SSPN: variants seen among roughly 807,000 people sequenced by gnomAD.
SSPN encodes the protein sarcospan.
In SSPN, 15 loss-of-function variants were observed where a neutral mutation model predicts 19.1. The observed-to-expected ratio is 0.78, with a 90% CI of 0.52 to 1.21. The LOEUF is 1.21. SSPN is among the 50% of genes most tolerant of loss of function. The pLI, the probability that SSPN is intolerant of heterozygous loss-of-function variation, is 0.00. For synonymous variants in SSPN, 147 were observed against 140.3 expected (o/e 1.05, Z -0.34); for missense variants, 291 against 314.0 (o/e 0.93, Z 0.55).
intron 1 of SSPN, among the ~76,000 whole-genome samples, chr12:26,169,404 A>T (rs2137431484): frequency 6.6e-6 from 1 of 152,200 alleles, no homozygotes; most frequent in East Asian, 1.9e-4. Context: ...CCTTGAGAAG[A>T]TTTAGGAACA....
chr12:26,231,953 C>A lies in SSPN; in HGVS notation c.*877C>A, dbSNP rs1427789158. The A allele has an allele frequency of 1.0e-6, 1 of 985,236 alleles. No homozygotes were observed. The highest frequency in any genetic ancestry group is 1.2e-6 in the Non-Finnish European group (1 of 829,924). The allele number at this position is 985,236 out of a possible 1,614,324, so 61.0% of individuals were successfully genotyped here. On this transcript the variant is annotated 3_prime_UTR_variant, in exon 3 of 3. Transcript: ENST00000242729. ...ACTGTCGGTGTTAAGAGAAATTACTCTCACAAGAGCAGAGGCCTGAAGATT... is the reference window on the plus strand; with the variant it reads ...ACTGTCGGTGTTAAGAGAAATTACTATCACAAGAGCAGAGGCCTGAAGATT...
At position 26,188,470 on chromosome 12, in the gene SSPN, T is replaced by C. The variant is rs182251271; in HGVS notation, c.-30-35823T>C. On this transcript the variant is annotated intron_variant, in intron 1 of 2. Coordinates refer to the SSPN transcript ENST00000538142. ...TGTTCTAACTAAAGAAGAGGATTACTGGTCAAAATGAAAATCTTATAGTTT... is the reference window on the plus strand; with the variant it reads ...TGTTCTAACTAAAGAAGAGGATTACCGGTCAAAATGAAAATCTTATAGTTT... Among the ~76,000 whole-genome samples, 66 of 152,342 alleles carry C rather than the reference T, an allele frequency of 4.3e-4. 2 individuals carry two copies. The East Asian group carries it at 0.012, about 28-fold the overall frequency.
chr12:26,174,954 A>G (rs1944675562), intron 1 of SSPN, among the ~76,000 whole-genome samples: 1 of 152,146 alleles, frequency 6.6e-6, no homozygotes, highest in Non-Finnish European at 1.5e-5. Flanking sequence ...TTTTTCCCTC[A>G]GAATGATTAT....
At chr12:26,208,509 AAT>A (rs1944952187) in intron 1 of SSPN, among the ~76,000 whole-genome samples, 1 of 152,102 alleles carries the variant, frequency 6.6e-6, no homozygotes, top group African/African-American at 2.4e-5. Context: ...AGGTACTACA[AAT>A]ATCTTTTTCT....
chr12:26,201,798 T>G (rs1368549071), intron 1 of SSPN, among the ~76,000 whole-genome samples: 1 of 152,220 alleles, frequency 6.6e-6, no homozygotes, highest in Non-Finnish European at 1.5e-5. Context: ...TAATTTATTC[T>G]CTTACTTTAA....
chr12:26,140,559 G>A lies in SSPN; in HGVS notation c.-31+18407G>A, dbSNP rs536440536. Among the ~76,000 whole-genome samples the A allele has an allele frequency of 6.4e-4, 97 of 152,272 alleles. 1 individual carries two copies. The highest frequency in any genetic ancestry group is 4.6e-4 in the Non-Finnish European group (31 of 68,024). On this transcript the variant is annotated intron_variant, in intron 1 of 2. Transcript: ENST00000538142. ...TCCCCAGTATTGGAAAAGGGGCCGC[G>A]GGGGAAGTGACTGGATCACGAGGGT...
chr12:26,161,966 G>A (rs1300526097), intron 1 of SSPN, among the ~76,000 whole-genome samples: 1 of 152,188 alleles, frequency 6.6e-6, no homozygotes, highest in Non-Finnish European at 1.5e-5. Context: ...GGCCATGGAT[G>A]GGTACCAGTC....
chr12:26,160,236 G>A (rs1214232781), intron 1 of SSPN, among the ~76,000 whole-genome samples: 1 of 152,182 alleles, frequency 6.6e-6, no homozygotes, highest in African/African-American at 2.4e-5. Flanking sequence ...CTCTGTCTAT[G>A]ATATTTAATA....
chr12:26,225,671 C>T (rs1039263468), intron 2 of SSPN, among the ~76,000 whole-genome samples: 5 of 148,976 alleles, frequency 3.4e-5, no homozygotes, highest in Admixed American at 6.7e-5. Flanking sequence ...TGAAAGAAGG[C>T]CAGATAGAGT....
At chr12:26,198,463 G>A (rs1256740870) in intron 1 of SSPN, among the ~76,000 whole-genome samples, 1 of 152,046 alleles carries the variant, frequency 6.6e-6, no homozygotes, top group Admixed American at 6.5e-5. Context: ...GTTGCCCTGA[G>A]GATGAAATAA....
At chr12:26,208,744 A>G (rs1944954300) in intron 1 of SSPN, among the ~76,000 whole-genome samples, 4 of 152,036 alleles carry the variant, frequency 2.6e-5, no homozygotes, top group South Asian at 2.1e-4. Context: ...TCTTTTTGCA[A>G]TGATGTGAAG....
At position 26,201,030 on chromosome 12, in the gene SSPN, TA is replaced by T. The variant is rs1361063696; in HGVS notation, c.279+5080del. Among the ~76,000 whole-genome samples, 109 of 35,568 alleles carry T rather than the reference TA, an allele frequency of 3.1e-3. 2 individuals carry two copies. The highest frequency in any genetic ancestry group is 0.043 in the Middle Eastern group (2 of 46). The allele number at this position is 35,568 out of a possible 152,430, so 23.3% of individuals were successfully genotyped here. A position where few individuals can be genotyped will look rare whatever the true frequency, so the allele number is the denominator to read the frequency against. ...ATTTGTGTATATATATATATATATA[TA>T]TATATATATATATATTATATATATA... On this transcript the variant is annotated intron_variant, in intron 1 of 2. Transcript: ENST00000242729.
At chr12:26,133,571 A>G (rs1402864879) in intron 1 of SSPN, among the ~76,000 whole-genome samples, 1 of 151,910 alleles carries the variant, frequency 6.6e-6, no homozygotes, top group Non-Finnish European at 1.5e-5. Context: ...GGCTGGGATT[A>G]TCAGTTTTGG....
At chr12:26,168,803 G>A (rs1222945435) in intron 1 of SSPN, among the ~76,000 whole-genome samples, 1 of 152,178 alleles carries the variant, frequency 6.6e-6, no homozygotes, top group Non-Finnish European at 1.5e-5. Flanking sequence ...TGGTTAGATG[G>A]AGGGCATTAT....
chr12:26,189,015 T>C (rs1565681889), intron 1 of SSPN, among the ~76,000 whole-genome samples: 2 of 152,092 alleles, frequency 1.3e-5, no homozygotes, highest in African/African-American at 4.8e-5. Context: ...ATCTAGGTGT[T>C]TTTTTGTTTT....
At chr12:26,124,830 T>C (rs1323023980) in intron 1 of SSPN, 4 of 1,579,046 alleles carry the variant, frequency 2.5e-6, no homozygotes, top group Non-Finnish European at 3.5e-6. Flanking sequence ...CTCTGTACAA[T>C]AATCTGTGGG....
At chr12:26,148,914 A>G (rs1050461864) in intron 1 of SSPN, among the ~76,000 whole-genome samples, 1 of 151,820 alleles carries the variant, frequency 6.6e-6, no homozygotes, top group Non-Finnish European at 1.5e-5. Context: ...GCCTCCCCCA[A>G]CCTCCCCACG....
intron 1 of SSPN, chr12:26,122,468 C>T: frequency 7.4e-7 from 1 of 1,351,154 alleles, no homozygotes; most frequent in Non-Finnish European, 9.6e-7. Context: ...AGCAGAAGGG[C>T]AGGCAGAAGG....
chr12:26,181,639 A>C (rs1488388312), intron 1 of SSPN, among the ~76,000 whole-genome samples: 3 of 152,114 alleles, frequency 2.0e-5, no homozygotes, highest in Non-Finnish European at 1.5e-5. Context: ...AAGTTTAGGC[A>C]CTTTTGTCTT....
Sources: gnomAD v4.1 joint callset for allele counts (sites outside exome capture counted in the v4.1 genomes callset) on GRCh38, gnomAD v4.1.1 for gene constraint, MANE v1.5 for transcripts, NCBI Gene and HGNC (gene_info 2026-07-23, HGNC 2026-07-21) for gene names.